Variants in AAAS observed in about 807,000 individuals in gnomAD.
AAAS encodes the protein aladin.
AAAS carries 60 observed loss-of-function variants against 75.6 expected under a neutral mutation model. The ratio of observed to expected loss-of-function variants is 0.79; its 90% CI spans 0.64 to 0.98. The LOEUF is 0.98. AAAS is among the 50% of genes least tolerant of loss of function. The pLI is 0.00. For synonymous variants in AAAS, 271 were observed against 265.0 expected (o/e 1.02, Z -0.22); for missense variants, 658 against 686.9 (o/e 0.96, Z 0.47).
intron 7 of AAAS, among the ~76,000 whole-genome samples, chr12:53,312,762 C>T (rs139061914): frequency 0.012 from 1,712 of 147,036 alleles, 26 homozygotes; most frequent in South Asian, 0.052. Context: ...CATATATATA[C>T]GTATATACAC....
chr12:53,310,138 G>T (rs1338731990), intron 7 of AAAS, among the ~76,000 whole-genome samples: 1 of 152,164 alleles, frequency 6.6e-6, no homozygotes, highest in Non-Finnish European at 1.5e-5. Context: ...TTACTTCAAG[G>T]TTCCAACCTT....
intron 2 of AAAS, among the ~76,000 whole-genome samples, chr12:53,317,386 T>A (rs1196992879): frequency 2.0e-5 from 3 of 151,128 alleles, no homozygotes; most frequent in Non-Finnish European, 3.0e-5. Context: ...TGAAACCCCA[T>A]CTCTACTAAA....
At chr12:53,310,403 C>CA (rs1429965990) in intron 7 of AAAS, among the ~76,000 whole-genome samples, 3 of 151,996 alleles carry the variant, frequency 2.0e-5, no homozygotes, top group Non-Finnish European at 4.4e-5. Flanking sequence ...ACTAAAAGTA[C>CA]AAAAAAATTA....
rs867468341 is a variant in AAAS at position 53,318,251 on chromosome 12, T to C, written c.251+2314A>G. Among the ~76,000 whole-genome samples the C allele has an allele frequency of 1.9e-3, 257 of 137,214 alleles. 5 individuals are homozygous for C. Among genetic ancestry groups the C allele is most frequent in the African/African-American group, 6.3e-3 (230 of 36,382 alleles). 90.0% of individuals were successfully genotyped at this position (137,214 alleles called of 152,430 possible). On this transcript the variant is annotated intron_variant, in intron 2 of 15. Coordinates refer to ENST00000209873, the MANE Select transcript of AAAS (RefSeq NM_015665.6). ...GTGTGTGTGTGTGTGTGTGCGTGTGTGTGTGTGTGTGTGTGTGTGTGTTAA... is the reference window on the plus strand; with the variant it reads ...GTGTGTGTGTGTGTGTGTGCGTGTGCGTGTGTGTGTGTGTGTGTGTGTTAA...
chr12:53,309,897 GA>G, intron 7 of AAAS, 176 bp from the exon 8 acceptor site: 3 of 959,660 alleles, frequency 3.1e-6, no homozygotes, highest in Non-Finnish European at 4.7e-6. Flanking sequence ...CAGCGAAGGG[GA>G]AAAACGACCA....
At chr12:53,308,221 G>A (rs577993801) in intron 13 of AAAS, 61 bp downstream of exon 13, 29 of 1,611,824 alleles carry the variant, frequency 1.8e-5, no homozygotes, top group African/African-American at 2.7e-5. Context: ...GCCAGGGCAC[G>A]GCCTCATTAG....
Position 53,307,896 on chromosome 12 carries a change from G to A in AAAS, c.1365C>T (p.Pro455=), listed in dbSNP as rs1430703021. Reference sequence around the variant, plus strand: ...AGGAAGGATGGAAAGTGATGAGCTGGGGCTGGGCTCCTGGCTCCCCCTGGA... The same window carrying A: ...AGGAAGGATGGAAAGTGATGAGCTGAGGCTGGGCTCCTGGCTCCCCCTGGA... ...GIIQGEPGAQ[P]QLITFHPSFN... Residue 455 remains proline, a synonymous_variant, in exon 15 of 16, where the codon CCC becomes CCT. Coordinates refer to ENST00000209873, the MANE Select transcript of AAAS (RefSeq NM_015665.6). The A allele has an allele frequency of 1.2e-6, 2 of 1,614,082 alleles. No homozygotes were observed. The highest frequency in any genetic ancestry group is 1.3e-5 in the African/African-American group (1 of 74,924).
rs1435905364 is a variant in AAAS at position 53,307,908 on chromosome 12, TG to T, written c.1352del (p.Pro451GlnfsTer100). 1 of 1,614,186 alleles carries T rather than the reference TG, an allele frequency of 6.2e-7. No individual in the cohort carries two copies. The highest frequency in any genetic ancestry group is 1.6e-4 in the Middle Eastern group (1 of 6,062). ...AAGTGATGAGCTGGGGCTGGGCTCCTGGCTCCCCCTGGATAATGCCACTAGA... is the reference window on the plus strand; with the variant it reads ...AAGTGATGAGCTGGGGCTGGGCTCCTGCTCCCCCTGGATAATGCCACTAGA... ...LLPCGIIQGE[P>X]GAQPQLITFH... On this transcript the variant is annotated frameshift_variant, in exon 15 of 16. Transcript: ENST00000209873. LOFTEE classifies it high-confidence loss of function.
At chr12:53,308,917 A>G (rs900728531) in intron 10 of AAAS, 43 bp downstream of exon 10, 1 of 1,613,812 alleles carries the variant, frequency 6.2e-7, no homozygotes, top group Admixed American at 1.7e-5. Context: ...GCCCATTGGA[A>G]TCATCTCCTC....
Position 53,314,824 on chromosome 12 carries a change from C to A in AAAS, c.472G>T (p.Ala158Ser). The A allele has an allele frequency of 6.2e-7, 1 of 1,613,902 alleles. No homozygotes were observed. The highest frequency in any genetic ancestry group is 8.5e-7 in the Non-Finnish European group (1 of 1,179,966). Residue 158 changes from alanine to serine, a missense_variant, in exon 6 of 16, where the codon GCA becomes TCA. Coordinates refer to ENST00000209873, the MANE Select transcript of AAAS (RefSeq NM_015665.6). ...NWSSCCLRVF[A>S]WHPHTNKFAV... ...AACTTGTTGGTGTGGGGGTGCCATG[C>A]AAAGACACGCAAGCAGCAGCTGGAC...
chr12:53,319,818 A>AGG (rs1944524458), intron 2 of AAAS, among the ~76,000 whole-genome samples: 1 of 134,278 alleles, frequency 7.4e-6, no homozygotes, highest in African/African-American at 2.7e-5. Context: ...AAAAAAAAAA[A>AGG]AAAAAAAGAA....
rs369423425 is a variant in AAAS, at chr12:53,315,132, G to A, written c.408C>T (p.Ser136=). The change falls in exon 5 of 16, where the codon AGC becomes AGT. Residue 136 remains serine, a synonymous_variant. Transcript: ENST00000209873. ...GGGCAAATTCAGCGATCAGATCTTC[G>A]CTCCTGAGCTGTAAGAACAAGATAG... The part of the protein sequence containing the change: ...GSLFPHLSLR[S]EDLIAEFAQV... 26 of 1,613,954 alleles carry A rather than the reference G, an allele frequency of 1.6e-5. No homozygotes were observed. The highest frequency in any genetic ancestry group is 4.5e-5 in the East Asian group (2 of 44,894).
At position 53,314,833 on chromosome 12, in the gene AAAS, G is replaced by A. The variant is rs777711720; in HGVS notation, c.463C>T (p.Arg155Cys). The change falls in exon 6 of 16, where the codon CGT becomes TGT. Residue 155 changes from arginine to cysteine, a missense_variant. Coordinates refer to ENST00000209873, the MANE Select transcript of AAAS (RefSeq NM_015665.6). ...GTGTGGGGGTGCCATGCAAAGACAC[G>A]CAAGCAGCAGCTGGACCTAAGGAAG... The part of the protein sequence containing the change: ...QVTNWSSCCL[R>C]VFAWHPHTNK... 13 of 1,613,730 alleles carry A rather than the reference G, an allele frequency of 8.1e-6. No homozygotes were observed. The East Asian group carries it at 1.8e-4, about 22-fold the overall frequency.
intron 7 of AAAS, among the ~76,000 whole-genome samples, chr12:53,310,414 G>A (rs1490225919): frequency 6.6e-6 from 1 of 152,208 alleles, no homozygotes; most frequent in Non-Finnish European, 1.5e-5. Context: ...AAAAAAATTA[G>A]CTGGGCGTGG....
In AAAS at chr12:53,314,180, A is replaced by G; in HGVS notation, c.689+118T>C. 12 of 1,439,540 alleles carry G rather than the reference A, an allele frequency of 8.3e-6. No individual in the cohort carries two copies. In the Admixed American group the frequency reaches 1.9e-4, roughly 22 times the overall value. The allele number at this position is 1,439,540 out of a possible 1,614,324, so 89.2% of individuals were successfully genotyped here. The stretch of plus-strand genomic sequence containing the variant: ...CCTTGATCTTACTTCTGCTTTTCCC[A>G]TAGCCCTGGGAAGTGCTGTGAGGAC... On this transcript the variant is annotated intron_variant, in intron 7 of 15. Transcript: ENST00000209873.
At chr12:53,311,224 A>G (rs1944384689) in intron 7 of AAAS, among the ~76,000 whole-genome samples, 1 of 152,290 alleles carries the variant, frequency 6.6e-6, no homozygotes, top group Non-Finnish European at 1.5e-5. Flanking sequence ...AATTACACGC[A>G]TGAGCCATCA....
chr12:53,307,866 G>A lies in AAAS; in HGVS notation c.1395C>T (p.Asn465=). The change falls in exon 15 of 16, where the codon AAC becomes AAT. Residue 465 remains asparagine (N), a synonymous_variant. Transcript: ENST00000209873. ...TCACCACACTGAGCAGGGCCCCTTT[G>A]TTGAAGGAAGGATGGAAAGTGATGA... is the stretch of plus-strand genomic sequence containing the variant. ...PQLITFHPSF[N]KGALLSVGWS... 6.2e-7 allele frequency: 1 copy of A among 1,614,240 alleles called. No homozygotes were observed. Among genetic ancestry groups the A allele is most frequent in the Non-Finnish European group, 8.5e-7 (1 of 1,180,046 alleles).
chr12:53,315,737 T>A lies in AAAS; in HGVS notation c.297A>T (p.Ser99=). ...GGGAAAAATACTTACCCTCTTCTTC[T>A]GAGTTTGCAATTTCATTTAGCACCC... ...LFGVLNEIAN[S]EEEVFEWVKT... is the part of the protein sequence containing the mutation. Residue 99 remains serine (S), a synonymous_variant, in exon 3 of 16, where the codon TCA becomes TCT. Coordinates refer to ENST00000209873, the MANE Select transcript of AAAS (RefSeq NM_015665.6). 1 of 1,613,848 alleles carries A rather than the reference T, an allele frequency of 6.2e-7. No homozygotes were observed. The highest frequency in any genetic ancestry group is 8.5e-7 in the Non-Finnish European group (1 of 1,179,916).
intron 2 of AAAS, among the ~76,000 whole-genome samples, chr12:53,317,774 A>G (rs1032365377): frequency 2.6e-5 from 4 of 151,956 alleles, no homozygotes; most frequent in Non-Finnish European, 4.4e-5. Flanking sequence ...TCAGGAACCT[A>G]GGAAAAAGGT....
Sources: gnomAD v4.1 joint callset for allele counts (sites outside exome capture counted in the v4.1 genomes callset) on GRCh38, gnomAD v4.1.1 for gene constraint, MANE v1.5 for transcripts, NCBI Gene and HGNC (gene_info 2026-07-23, HGNC 2026-07-21) for gene names.